Variants in ADAMTS3 observed in about 807,000 individuals in gnomAD.
ADAMTS3 encodes the protein A disintegrin and metalloproteinase with thrombospondin motifs 3.
A neutral mutation model predicts 129.0 loss-of-function variants in ADAMTS3; 73 were observed. The observed-to-expected ratio is 0.57, with a 90% confidence interval of 0.47 to 0.69. The LOEUF (loss-of-function observed/expected upper bound fraction) is 0.69. Among genes scored for constraint, ADAMTS3 ranks in the 30% least tolerant of loss-of-function variants. The probability of loss-of-function intolerance (pLI) is 0.00; values close to 1 mark genes in which losing one functional copy is unlikely to be tolerated. For synonymous variants in ADAMTS3, 477 were observed against 510.8 expected (o/e 0.93, Z 0.89); for missense variants, 1,457 against 1,514.5 (o/e 0.96, Z 0.63).
At chr4:72,497,166 A>C (rs1053333508) in intron 3 of ADAMTS3, among the ~76,000 whole-genome samples, 1 of 152,046 alleles carries the variant, frequency 6.6e-6, no homozygotes, top group Non-Finnish European at 1.5e-5. Flanking sequence ...GGAAGGAAGG[A>C]TAAAGCTGTT....
At position 72,290,896 on chromosome 4, in the gene ADAMTS3, C is replaced by T. The variant is rs781744457; in HGVS notation, c.2890G>A (p.Val964Met). 1.2e-6 allele frequency: 2 copies of T among 1,614,026 alleles called. No individual in the cohort carries two copies. The highest frequency in any genetic ancestry group is 1.1e-5 in the South Asian group (1 of 91,070). Residue 964 changes from valine to methionine, a missense_variant, in exon 20 of 22, where the codon GTG (valine) becomes ATG (methionine). Coordinates refer to ENST00000286657, the MANE Select transcript of ADAMTS3 (RefSeq NM_014243.3). ...RPESRRPCNR[V>M]PCPAQWKTGP... ...GTTTTCCACTGTGCAGGGCAGGGCACTCTGTTACAGGGCCGGCGGCTCTCG... is the reference window on the plus strand; with the variant it reads ...GTTTTCCACTGTGCAGGGCAGGGCATTCTGTTACAGGGCCGGCGGCTCTCG...
chr4:72,503,210 A>T (rs748039179), intron 3 of ADAMTS3, among the ~76,000 whole-genome samples: 2 of 151,884 alleles, frequency 1.3e-5, no homozygotes, highest in Non-Finnish European at 2.9e-5. Context: ...TTTACTAGAG[A>T]TGGGGTTTCA....
At chr4:72,508,111 AC>A (rs1460385468) in intron 3 of ADAMTS3, among the ~76,000 whole-genome samples, 1 of 152,186 alleles carries the variant, frequency 6.6e-6, no homozygotes. Context: ...AGGGCAATAA[AC>A]AAACACATGC....
intron 9 of ADAMTS3, among the ~76,000 whole-genome samples, 183 bp downstream of exon 9, chr4:72,319,149 T>C (rs144330149): frequency 9.1e-4 from 139 of 152,352 alleles, no homozygotes; most frequent in Middle Eastern, 3.4e-3. Flanking sequence ...TCTAGACTTA[T>C]GGCTTCAAGT....
chr4:72,402,961 T>A lies in ADAMTS3; in HGVS notation c.661+11854A>T, dbSNP rs112543549. On this transcript the variant is annotated intron_variant, in intron 4 of 21. Coordinates refer to ENST00000286657, the MANE Select transcript of ADAMTS3 (RefSeq NM_014243.3). The stretch of plus-strand genomic sequence containing the variant: ...GGTCTTATATTTTAGTCCCTATACC[T>A]GGAAATACCAGGGGGTATTCCCAAA... 2.1e-3 allele frequency among the ~76,000 whole-genome samples: 324 copies of A among 152,260 alleles called. 1 individual carries two copies. The highest frequency in any genetic ancestry group is 7.4e-3 in the African/African-American group (306 of 41,576).
rs1718026895 is a variant in ADAMTS3, at chr4:72,438,402, A to G, written c.505-23431T>C. ...TTATGAAATATTTAATTCCTTTTAA[A>G]ACAAAAATAATTAGTCCATTACATG... On this transcript the variant is annotated intron_variant, in intron 3 of 21. Coordinates refer to ENST00000286657, the MANE Select transcript of ADAMTS3 (RefSeq NM_014243.3). Among the ~76,000 whole-genome samples, 2 of 151,794 alleles carry G rather than the reference A, an allele frequency of 1.3e-5. 1 individual carries two copies. The highest frequency in any genetic ancestry group is 4.8e-5 in the African/African-American group (2 of 41,384).
At chr4:72,340,388 T>TTA (rs893075851) in intron 4 of ADAMTS3, among the ~76,000 whole-genome samples, 3 of 151,418 alleles carry the variant, frequency 2.0e-5, no homozygotes, top group Admixed American at 6.6e-5. Flanking sequence ...AGGTTATATA[T>TTA]TATATATATA....
At chr4:72,409,030 G>A (rs1421457265) in intron 4 of ADAMTS3, among the ~76,000 whole-genome samples, 1 of 151,702 alleles carries the variant, frequency 6.6e-6, no homozygotes, top group Admixed American at 6.6e-5. Context: ...CAAAACTGCA[G>A]GTTCTGCACA....
At chr4:72,369,055 A>C (rs1720938935) in intron 4 of ADAMTS3, among the ~76,000 whole-genome samples, 1 of 152,244 alleles carries the variant, frequency 6.6e-6, no homozygotes, top group South Asian at 2.1e-4. Context: ...GATAGAACAT[A>C]GTTGGTACAA....
chr4:72,361,515 A>G (rs989112265), intron 4 of ADAMTS3, among the ~76,000 whole-genome samples: 1 of 152,140 alleles, frequency 6.6e-6, no homozygotes, highest in Non-Finnish European at 1.5e-5. Flanking sequence ...TATTTTCTAT[A>G]GGCCTTAAGA....
intron 4 of ADAMTS3, among the ~76,000 whole-genome samples, chr4:72,378,688 C>T (rs1721197888): frequency 6.6e-6 from 1 of 151,778 alleles, no homozygotes; most frequent in Non-Finnish European, 1.5e-5. Flanking sequence ...ATGATTATCA[C>T]TATTCCCATT....
Position 72,569,106 on chromosome 4 carries a change from G to T in ADAMTS3, c.-344C>A. On this transcript the variant is annotated 5_prime_UTR_variant, in exon 1 of 22. Transcript: ENST00000286657. ...TCTCTGCCCAAAGCAGCTTTTTCGA[G>T]GCTTTTCGAGCACCATTGGTCCCTA... 1 of 331,940 alleles carries T rather than the reference G, an allele frequency of 3.0e-6. No homozygotes were observed. The highest frequency in any genetic ancestry group is 5.6e-6 in the Non-Finnish European group (1 of 180,154). 20.6% of individuals were successfully genotyped at this position (331,940 alleles called of 1,614,324 possible). A position where few individuals can be genotyped will look rare whatever the true frequency, so the allele number is the denominator to read the frequency against.
intron 4 of ADAMTS3, among the ~76,000 whole-genome samples, chr4:72,365,526 T>G (rs1720849172): frequency 6.6e-6 from 1 of 152,218 alleles, no homozygotes; most frequent in Admixed American, 6.5e-5. Context: ...TCAGGGCCAC[T>G]GCATACAGTC....
chr4:72,332,167 G>T (rs1241911838), intron 5 of ADAMTS3, among the ~76,000 whole-genome samples: 1 of 152,150 alleles, frequency 6.6e-6, no homozygotes, highest in Non-Finnish European at 1.5e-5. Context: ...TGCTAAGGTT[G>T]CATGAATATG....
At chr4:72,451,620 G>C (rs1296895870) in intron 3 of ADAMTS3, among the ~76,000 whole-genome samples, 1 of 151,488 alleles carries the variant, frequency 6.6e-6, no homozygotes, top group Non-Finnish European at 1.5e-5. Context: ...GACACTAAGG[G>C]GAAAAAAGTT....
intron 4 of ADAMTS3, among the ~76,000 whole-genome samples, chr4:72,399,759 GTATA>G (rs747308511): frequency 9.4e-4 from 138 of 146,758 alleles, no homozygotes; most frequent in African/African-American, 2.5e-3. Context: ...GCATATGTGT[GTATA>G]TATATACACA....
intron 4 of ADAMTS3, among the ~76,000 whole-genome samples, chr4:72,355,065 A>G (rs376664110): frequency 6.6e-6 from 1 of 151,382 alleles, no homozygotes; most frequent in South Asian, 2.1e-4. Flanking sequence ...TAACTAAACT[A>G]TATATCTCTT....
intron 6 of ADAMTS3, among the ~76,000 whole-genome samples, chr4:72,321,554 A>G (rs1287873423): frequency 6.6e-6 from 1 of 152,150 alleles, no homozygotes; most frequent in African/African-American, 2.4e-5. Flanking sequence ...CTTAGATTTC[A>G]GTTTCATAGA....
chr4:72,496,955 T>C (rs1719887921), intron 3 of ADAMTS3, among the ~76,000 whole-genome samples: 1 of 152,068 alleles, frequency 6.6e-6, no homozygotes, highest in African/African-American at 2.4e-5. Context: ...AAGGAACTTC[T>C]TCTCTCTCAC....
Sources: gnomAD v4.1 joint callset for allele counts (sites outside exome capture counted in the v4.1 genomes callset) on GRCh38, gnomAD v4.1.1 for gene constraint, MANE v1.5 for transcripts, NCBI Gene and HGNC (gene_info 2026-07-23, HGNC 2026-07-21) for gene names.